The following ACTR2 variants were observed in gnomAD, a reference collection of about 807,000 sequenced individuals.
ACTR2 encodes the protein actin related protein 2.
Under a neutral mutation model 50.2 loss-of-function variants are expected in ACTR2, and 5 were observed. The observed-to-expected ratio is 0.10, with a 90% CI of 0.05 to 0.21. ACTR2 has a LOEUF of 0.21. ACTR2 is among the 10% of genes least tolerant of loss of function. The pLI is 1.00. For synonymous variants in ACTR2, 140 were observed against 162.9 expected (o/e 0.86, Z 1.07); for missense variants, 180 against 480.6 (o/e 0.37, Z 5.85).
intron 6 of ACTR2, among the ~76,000 whole-genome samples, chr2:65,258,013 TTGCCCA>T (rs1327746671): frequency 6.6e-6 from 1 of 152,248 alleles, no homozygotes; most frequent in Non-Finnish European, 1.5e-5. Context: ...CATGAAGTCT[TTGCCCA>T]TGCCTATGTC....
chr2:65,266,559 G>T (rs188874377), intron 8 of ACTR2, among the ~76,000 whole-genome samples: 1 of 151,762 alleles, frequency 6.6e-6, no homozygotes, highest in East Asian at 1.9e-4. Context: ...TCTTGGGTGT[G>T]GGGGCGGTTT....
intron 3 of ACTR2, among the ~76,000 whole-genome samples, chr2:65,248,451 T>C (rs1671982819): frequency 6.6e-6 from 1 of 152,006 alleles, no homozygotes; most frequent in Non-Finnish European, 1.5e-5. Flanking sequence ...TATGGGGCTG[T>C]TACAGGAAAA....
rs1672266113 is a variant in ACTR2, at chr2:65,261,454, GTTAT to G, written c.881+67_881+70del. Reference sequence around the variant, plus strand: ...GAAAAATCATAAAAATAGTTTTAAAGTTATTTATCAGAAATAGATGGAATTAAAT... The same window carrying G: ...GAAAAATCATAAAAATAGTTTTAAAGTTATCAGAAATAGATGGAATTAAAT... On this transcript the variant is annotated intron_variant, in intron 7 of 8. Transcript: ENST00000260641. 4.8e-6 allele frequency: 7 copies of G among 1,449,010 alleles called. No homozygotes were observed. The South Asian group carries it at 7.7e-5, about 16-fold the overall frequency. The allele number at this position is 1,449,010 out of a possible 1,614,324, so 89.8% of individuals were successfully genotyped here.
rs914564647 is a variant in ACTR2 at position 65,270,973 on chromosome 2, A to G, written c.*2239A>G. On this transcript the variant is annotated 3_prime_UTR_variant, in exon 9 of 9. Coordinates refer to ENST00000260641, the MANE Select transcript of ACTR2 (RefSeq NM_005722.4). ...TGAAACTATTGCTACTTAAATTTCC[A>G]ATAATTAAAAATTTAAAATTTTTAA... is the stretch of plus-strand genomic sequence containing the variant. The G allele has an allele frequency of 2.0e-5, 3 of 152,144 alleles. No individual in the cohort carries two copies. The highest frequency in any genetic ancestry group is 4.4e-5 in the Non-Finnish European group (3 of 68,020). The allele number at this position is 152,144 out of a possible 1,614,324, so 9.4% of individuals were successfully genotyped here. A position where few individuals can be genotyped will look rare whatever the true frequency, so the allele number is the denominator to read the frequency against.
At chr2:65,245,979 G>T (rs1258555902) in intron 2 of ACTR2, among the ~76,000 whole-genome samples, 2 of 129,756 alleles carry the variant, frequency 1.5e-5, no homozygotes, top group Admixed American at 8.2e-5. Context: ...GGCATATGTA[G>T]ATAGAAGTTT....
intron 1 of ACTR2, among the ~76,000 whole-genome samples, chr2:65,231,505 G>A (rs912334533): frequency 6.6e-6 from 1 of 152,100 alleles, no homozygotes; most frequent in African/African-American, 2.4e-5. Context: ...TTATCCTAAG[G>A]TGTTTTCATT....
At chr2:65,259,655 G>A (rs1672226338) in intron 6 of ACTR2, among the ~76,000 whole-genome samples, 1 of 152,170 alleles carries the variant, frequency 6.6e-6, no homozygotes, top group Admixed American at 6.5e-5. Context: ...TTTGAACCCA[G>A]TAGGCAGAGG....
At chr2:65,247,567 G>A (rs1032137210) in intron 3 of ACTR2, among the ~76,000 whole-genome samples, 17 of 151,986 alleles carry the variant, frequency 1.1e-4, no homozygotes, top group African/African-American at 3.6e-4. Context: ...CAGCCTGGGC[G>A]ACAGAGCGAG....
intron 5 of ACTR2, 74 bp downstream of exon 5, chr2:65,253,938 T>C (rs1672100968): frequency 7.6e-7 from 1 of 1,319,352 alleles, no homozygotes; most frequent in Non-Finnish European, 1.1e-6. Flanking sequence ...ATTGAATCTA[T>C]CGTTTTAGGA....
chr2:65,253,247 T>C (rs530163989), intron 4 of ACTR2, among the ~76,000 whole-genome samples: 2 of 152,166 alleles, frequency 1.3e-5, no homozygotes, highest in South Asian at 4.2e-4. Context: ...CGAGACCAGC[T>C]TGGGCAACAT....
chr2:65,247,456 C>T (rs1039907695), intron 3 of ACTR2, among the ~76,000 whole-genome samples: 4 of 151,978 alleles, frequency 2.6e-5, no homozygotes, highest in Non-Finnish European at 5.9e-5. Context: ...GGCGTGGTGG[C>T]GGGTGCCTGT....
In ACTR2 at chr2:65,241,917, C is replaced by T. The variant is rs1038804429; in HGVS notation, c.159+1955C>T. 4.5e-6 allele frequency: 5 copies of T among 1,107,712 alleles called. No individual in the cohort carries two copies. In the African/African-American group the frequency reaches 4.6e-5, roughly 10 times the overall value. The allele number at this position is 1,107,712 out of a possible 1,614,324, so 68.6% of individuals were successfully genotyped here. A position where few individuals can be genotyped will look rare whatever the true frequency, so the allele number is the denominator to read the frequency against. On this transcript the variant is annotated intron_variant, in intron 2 of 8. Coordinates refer to ENST00000260641, the MANE Select transcript of ACTR2 (RefSeq NM_005722.4). ...ATTAACTCCATTAAATATAGTAGTA[C>T]TGCATCTGACCTCAACCTAATTGTC... is the stretch of plus-strand genomic sequence containing the variant.
At chr2:65,246,826 A>C (rs1169137584) in intron 3 of ACTR2, 87 bp downstream of exon 3, 18 of 962,888 alleles carry the variant, frequency 1.9e-5, no homozygotes, top group Non-Finnish European at 2.7e-5. Context: ...ATGGATAAAG[A>C]GAATAAAAAT....
At chr2:65,233,403 C>T (rs536320718) in intron 1 of ACTR2, among the ~76,000 whole-genome samples, 3 of 151,396 alleles carry the variant, frequency 2.0e-5, no homozygotes, top group Non-Finnish European at 4.4e-5. Context: ...GCCTATAATC[C>T]CAGCACTTTG....
At chr2:65,237,191 T>C (rs1671754888) in intron 1 of ACTR2, among the ~76,000 whole-genome samples, 1 of 152,166 alleles carries the variant, frequency 6.6e-6, no homozygotes, top group Non-Finnish European at 1.5e-5. Context: ...CTTTCTTATA[T>C]AGCTTCCTCC....
chr2:65,256,470 G>T (rs1180107773), intron 6 of ACTR2, among the ~76,000 whole-genome samples: 2 of 152,140 alleles, frequency 1.3e-5, no homozygotes, highest in Non-Finnish European at 2.9e-5. Flanking sequence ...TTACTAAAAT[G>T]AAACAGTAAT....
At chr2:65,236,510 A>G (rs1424461430) in intron 1 of ACTR2, among the ~76,000 whole-genome samples, 1 of 152,148 alleles carries the variant, frequency 6.6e-6, no homozygotes, top group East Asian at 1.9e-4. Context: ...TTACCGCATT[A>G]AACAAAAGAG....
intron 2 of ACTR2, chr2:65,241,935 T>C: frequency 7.1e-7 from 1 of 1,401,452 alleles, no homozygotes; most frequent in Non-Finnish European, 9.9e-7. Flanking sequence ...GACCTCAACC[T>C]AATTGTCTCT....
intron 2 of ACTR2, 58 bp downstream of exon 2, chr2:65,240,020 G>A: frequency 1.7e-6 from 2 of 1,198,538 alleles, no homozygotes; most frequent in Non-Finnish European, 2.4e-6. Flanking sequence ...TCTTATAAAA[G>A]TAGTTTAACA....
Sources: gnomAD v4.1 joint callset for allele counts (sites outside exome capture counted in the v4.1 genomes callset) on GRCh38, gnomAD v4.1.1 for gene constraint, MANE v1.5 for transcripts, NCBI Gene and HGNC (gene_info 2026-07-23, HGNC 2026-07-21) for gene names.